The following ZNF257 variants were observed in gnomAD, a reference collection of about 807,000 sequenced individuals.
ZNF257 encodes the protein zinc finger protein 257.
ZNF257 carries 12 observed loss-of-function variants against 11.9 expected under a neutral mutation model. The observed-to-expected ratio is 1.01, with a 90% confidence interval of 0.65 to 1.63. The LOEUF (loss-of-function observed/expected upper bound fraction) is 1.63. ZNF257 is among the 40% of genes most tolerant of loss of function. ZNF257 has a pLI of 0.00. For synonymous variants in ZNF257, 183 were observed against 222.7 expected, an observed-to-expected ratio of 0.82 and a Z score of 1.59; for missense variants, 580 against 665.5, an observed-to-expected ratio of 0.87 and a Z score of 1.41.
chr19:22,073,158 T>C (rs1372112757), intron 2 of ZNF257, among the ~76,000 whole-genome samples: 2 of 152,094 alleles, frequency 1.3e-5, no homozygotes, highest in Non-Finnish European at 2.9e-5. Context: ...ACTTTCCACA[T>C]TGCTGAGCTG....
intron 3 of ZNF257, among the ~76,000 whole-genome samples, chr19:22,079,819 C>T (rs1442557259): frequency 6.6e-6 from 1 of 151,968 alleles, no homozygotes; most frequent in Non-Finnish European, 1.5e-5. Context: ...TGTATTGACA[C>T]CTTTGAAAAA....
chr19:22,069,210 G>A (rs1043961770), intron 1 of ZNF257, among the ~76,000 whole-genome samples: 1 of 152,148 alleles, frequency 6.6e-6, no homozygotes, highest in Non-Finnish European at 1.5e-5. Flanking sequence ...TTTTAGTCCA[G>A]ACTAGCAACT....
intron 2 of ZNF257, 61 bp from the exon 3 acceptor site, chr19:22,073,408 T>C: frequency 6.5e-7 from 1 of 1,529,782 alleles, no homozygotes; most frequent in Admixed American, 1.9e-5. Flanking sequence ...ATTGAGCACA[T>C]TACTAAGTTG....
In ZNF257 at chr19:22,089,595, A is replaced by T. The variant is rs62111028; in HGVS notation, c.*153A>T. 0.15 allele frequency: 215,294 copies of T among 1,452,100 alleles called. 16,594 individuals carry two copies. Among genetic ancestry groups the T allele is most frequent in the Middle Eastern group, 0.21 (908 of 4,316 alleles). The allele number at this position is 1,452,100 out of a possible 1,614,324, so 90.0% of individuals were successfully genotyped here. ...CAAATCCTCAACATTTACTAAGCAT[A>T]AAATAATTCATGCTGGAGAGAAACT... On this transcript the variant is annotated 3_prime_UTR_variant, in exon 4 of 4. Transcript: ENST00000594947.
At chr19:22,078,714 T>G (rs62110992) in intron 3 of ZNF257, among the ~76,000 whole-genome samples, 20,037 of 151,940 alleles carry the variant, frequency 0.13, 1,496 homozygotes, top group Middle Eastern at 0.2. Flanking sequence ...TCTGGGTATT[T>G]TATTTAAAAT....
chr19:22,087,863 A>G, intron 3 of ZNF257, 114 bp from the exon 4 acceptor site: 1 of 959,472 alleles, frequency 1.0e-6, no homozygotes, highest in Non-Finnish European at 1.4e-6. Flanking sequence ...AGCCTGTGGT[A>G]TTTTGCTATG....
Position 22,088,428 on chromosome 19 carries a change from G to A in ZNF257, c.678G>A (p.Glu226=). The A allele has an allele frequency of 6.2e-7, 1 of 1,613,724 alleles. No individual in the cohort carries two copies. Among genetic ancestry groups the A allele is most frequent in the Non-Finnish European group, 8.5e-7 (1 of 1,179,856 alleles). ...GACATAAGATGACTCATACTGGAGA[G>A]AAACCCTACAAATGTGAAGAGTGTG... The part of the protein sequence containing the change: ...LTRHKMTHTG[E]KPYKCEECGK... Residue 226 remains glutamate, a synonymous_variant, in exon 4 of 4, where the codon GAG becomes GAA. Transcript: ENST00000594947.
At chr19:22,067,889 T>C (rs1289707083) in intron 1 of ZNF257, among the ~76,000 whole-genome samples, 6 of 138,868 alleles carry the variant, frequency 4.3e-5, no homozygotes, top group African/African-American at 7.9e-5. Flanking sequence ...TCCCCCCCGC[T>C]TGAGCTATGT....
chr19:22,085,204 C>T (rs962390492), intron 3 of ZNF257, among the ~76,000 whole-genome samples: 11 of 151,696 alleles, frequency 7.3e-5, no homozygotes, highest in Non-Finnish European at 1.3e-4. Context: ...AGGCATGCAC[C>T]ACCACACCTG....
chr19:22,075,249 C>A, intron 3 of ZNF257: 1 of 166,188 alleles, frequency 6.0e-6, no homozygotes, highest in South Asian at 1.5e-4. Flanking sequence ...AGGGCAGACA[C>A]TAGGGCAGGT....
chr19:22,057,147 A>G (rs2021663796), intron 1 of ZNF257, among the ~76,000 whole-genome samples: 1 of 152,210 alleles, frequency 6.6e-6, no homozygotes, highest in Non-Finnish European at 1.5e-5. Flanking sequence ...TAATACAATA[A>G]TACATTTATT....
In ZNF257 at chr19:22,054,394, C is replaced by T. The variant is rs536138261; in HGVS notation, c.3+1759C>T. Among the ~76,000 whole-genome samples, 4 of 152,022 alleles carry T rather than the reference C, an allele frequency of 2.6e-5. No homozygotes were observed. In the South Asian group the frequency reaches 8.3e-4, roughly 32 times the overall value. ...TTCCGCTGAATTTTTTACATGTGTC[C>T]CAAGCAGAGTCTCAAGTTTTACCCT... On this transcript the variant is annotated intron_variant, in intron 1 of 3. Coordinates refer to ENST00000594947, the MANE Select transcript of ZNF257 (RefSeq NM_033468.4).
chr19:22,057,601 TA>T (rs928391520), intron 1 of ZNF257, among the ~76,000 whole-genome samples: 3 of 152,018 alleles, frequency 2.0e-5, no homozygotes, highest in Non-Finnish European at 2.9e-5. Context: ...GATTTATGTT[TA>T]AAAAAAATTC....
Position 22,089,006 on chromosome 19 carries a change from C to T in ZNF257, c.1256C>T (p.Thr419Ile). ...TGGTCCTCAGCTCTTACTACCCTTA[C>T]TCAGCATAAGATAATTCATACTGGA... ...FNWSSALTTL[T>I]QHKIIHTGEK... Residue 419 changes from threonine to isoleucine, a missense_variant, in exon 4 of 4, where the codon ACT (threonine) becomes ATT (isoleucine). Thr to Ile is a moderately conservative substitution (Grantham distance 89, BLOSUM62 -1). Transcript: ENST00000594947. 1 of 1,613,204 alleles carries T rather than the reference C, an allele frequency of 6.2e-7. No individual in the cohort carries two copies. The highest frequency in any genetic ancestry group is 1.1e-5 in the South Asian group (1 of 91,042).
At chr19:22,070,495 C>G (rs1313112863) in intron 1 of ZNF257, among the ~76,000 whole-genome samples, 1 of 152,174 alleles carries the variant, frequency 6.6e-6, no homozygotes, top group Non-Finnish European at 1.5e-5. Context: ...GTAACATCCT[C>G]TTGAGCACAT....
Position 22,088,487 on chromosome 19 carries a change from A to C in ZNF257, c.737A>C (p.Gln246Pro). ...TTTAACCGGTCTTCACACCTTACTC[A>C]ACATAAGGTAATTCATACTAGAGAG... is the stretch of plus-strand genomic sequence containing the variant. ...KAFNRSSHLTQHKVIHTREKP... is the reference protein window; with the variant it reads ...KAFNRSSHLTPHKVIHTREKP... Residue 246 changes from glutamine (Q) to proline (P), a missense_variant, in exon 4 of 4, where the codon CAA becomes CCA. Physicochemically the swap from Gln to Pro is moderately conservative, Grantham distance 76. Transcript: ENST00000594947. 1.2e-6 allele frequency: 2 copies of C among 1,611,720 alleles called. No homozygotes were observed.
chr19:22,083,914 T>G (rs1367317801), intron 3 of ZNF257, among the ~76,000 whole-genome samples: 2 of 152,204 alleles, frequency 1.3e-5, no homozygotes, highest in Non-Finnish European at 2.9e-5. Context: ...CCAAGGTGGG[T>G]GGATCACCTG....
Position 22,087,954 on chromosome 19 carries a change from TTTG to T in ZNF257, c.227-17_227-15del. ...TACCTGAGTCTAGTAAGTGGAGTAA[TTTG>T]TTGTTTTTATTTCTTTTAGTTATGT... On this transcript the variant is annotated intron_variant, in intron 3 of 3. Coordinates refer to ENST00000594947, the MANE Select transcript of ZNF257 (RefSeq NM_033468.4). The T allele has an allele frequency of 6.8e-7, 1 of 1,461,416 alleles. No homozygotes were observed. The highest frequency in any genetic ancestry group is 9.1e-7 in the Non-Finnish European group (1 of 1,103,744). The allele number at this position is 1,461,416 out of a possible 1,614,324, so 90.5% of individuals were successfully genotyped here. A position where few individuals can be genotyped will look rare whatever the true frequency, so the allele number is the denominator to read the frequency against.
rs1169691752 is a variant in ZNF257 at position 22,073,531 on chromosome 19, A to G, written c.193A>G (p.Met65Val). 2.5e-6 allele frequency: 4 copies of G among 1,612,278 alleles called. No homozygotes were observed. The highest frequency in any genetic ancestry group is 1.1e-5 in the South Asian group (1 of 90,910). ...CLEQGKEPCN[M>V]KRHEMVAKPP... ...GGAGCAAGGAAAAGAGCCCTGTAATATGAAGAGACATGAGATGGTAGCCAA... is the reference window on the plus strand; with the variant it reads ...GGAGCAAGGAAAAGAGCCCTGTAATGTGAAGAGACATGAGATGGTAGCCAA... The change falls in exon 3 of 4, where the codon ATG becomes GTG. Residue 65 changes from methionine to valine, a missense_variant. Physicochemically the swap from Met to Val is conservative, Grantham distance 21 (BLOSUM62 1). Transcript: ENST00000594947.
Sources: allele counts gnomAD v4.1 joint callset (sites outside exome capture counted in the v4.1 genomes callset), GRCh38; gene constraint gnomAD v4.1.1; transcripts MANE v1.5; gene names NCBI Gene and HGNC (gene_info 2026-07-23, HGNC 2026-07-21).